Variants in RMDN3 observed in about 807,000 individuals in gnomAD.
RMDN3 encodes the protein regulator of microtubule dynamics protein 3.
Under a neutral mutation model 61.8 loss-of-function variants are expected in RMDN3, and 41 were observed. The ratio of observed to expected loss-of-function variants is 0.66; its 90% CI spans 0.52 to 0.86. RMDN3 has a LOEUF of 0.86. Among genes scored for constraint, RMDN3 ranks in the 40% least tolerant of loss-of-function variants. The probability of loss-of-function intolerance (pLI) is 0.00; values close to 1 mark genes in which losing one functional copy is unlikely to be tolerated. For synonymous variants in RMDN3, 247 were observed against 232.0 expected (o/e 1.06, Z -0.59); for missense variants, 557 against 585.3 (o/e 0.95, Z 0.50).
chr15:40,749,541 CA>C (rs1897724371), intron 4 of RMDN3, among the ~76,000 whole-genome samples: 1 of 152,124 alleles, frequency 6.6e-6, no homozygotes, highest in South Asian at 2.1e-4. Flanking sequence ...AAAACAAAAA[CA>C]GTTGTGAAGG....
intron 7 of RMDN3, chr15:40,738,950 CT>C (rs1187306589): frequency 5.2e-6 from 1 of 190,792 alleles, no homozygotes. Flanking sequence ...CCTGACTATA[CT>C]ACTTATCTTC....
chr15:40,739,330 A>C (rs1897190630), intron 7 of RMDN3: 1 of 152,162 alleles, frequency 6.6e-6, no homozygotes, highest in African/African-American at 2.4e-5. Context: ...CTAGAGGCTC[A>C]TTTCCATGTT....
At chr15:40,744,767 C>G (rs1045054288) in intron 5 of RMDN3, among the ~76,000 whole-genome samples, 3 of 152,114 alleles carry the variant, frequency 2.0e-5, no homozygotes, top group African/African-American at 7.2e-5. Context: ...CTGGGGCAAG[C>G]AGTACACTGG....
At position 40,751,727 on chromosome 15, in the gene RMDN3, T is replaced by C. The variant is rs531133427; in HGVS notation, c.381-158A>G. ...CCTCAGGAGGGCAAGCAGGGCAGCT[T>C]CCTGGGCCCAGCCCGCACAGACAGA... On this transcript the variant is annotated intron_variant, in intron 3 of 12. Transcript: ENST00000338376. The C allele has an allele frequency of 2.0e-5, 23 of 1,127,756 alleles. No individual in the cohort carries two copies. The Admixed American group carries it at 4.4e-4, about 22-fold the overall frequency. The allele number at this position is 1,127,756 out of a possible 1,614,324, so 69.9% of individuals were successfully genotyped here.
intron 4 of RMDN3, among the ~76,000 whole-genome samples, chr15:40,746,263 C>A (rs1030118317): frequency 2.6e-5 from 4 of 152,266 alleles, no homozygotes; most frequent in Admixed American, 2.0e-4. Flanking sequence ...CGCCTGTAAT[C>A]CCAGCACTTT....
intron 4 of RMDN3, among the ~76,000 whole-genome samples, chr15:40,750,223 T>G (rs922078923): frequency 2.3e-4 from 33 of 146,478 alleles, no homozygotes; most frequent in Admixed American, 2.2e-3. Flanking sequence ...TTTTTTTTTT[T>G]TTTTTTTTTT....
chr15:40,752,520 T>C (rs1897874562), intron 2 of RMDN3, among the ~76,000 whole-genome samples: 1 of 151,508 alleles, frequency 6.6e-6, no homozygotes, highest in African/African-American at 2.4e-5. Context: ...CCTCACCATA[T>C]AGTGCCCAAT....
intron 3 of RMDN3, 34 bp downstream of exon 3, chr15:40,751,952 G>T: frequency 6.3e-7 from 1 of 1,597,900 alleles, no homozygotes. Context: ...CTGCAGGGGA[G>T]GGATAAAGCA....
intron 3 of RMDN3, 123 bp downstream of exon 3, chr15:40,751,863 A>T: frequency 9.2e-7 from 1 of 1,090,354 alleles, no homozygotes; most frequent in Non-Finnish European, 1.3e-6. Flanking sequence ...GCTTCAACCC[A>T]GATTAGGCTA....
At chr15:40,736,742 T>TAAATCTGTCTCTTCCCC in intron 12 of RMDN3, 148 bp from the exon 13 acceptor site, 1 of 669,430 alleles carries the variant, frequency 1.5e-6, no homozygotes. Flanking sequence ...TGGAGCCTAT[T>TAAATCTGTCTCTTCCCC]AAATCTGTCT....
Position 40,754,728 on chromosome 15 carries a change from C to A in RMDN3, c.56G>T (p.Gly19Val). Residue 19 changes from glycine to valine, a missense_variant, in exon 2 of 13, where the codon GGT (glycine) becomes GTT (valine). Transcript: ENST00000338376. ...GARAGLGLLLGTAAGLGFLCL... is the reference protein window; with the variant it reads ...GARAGLGLLLVTAAGLGFLCL... The stretch of plus-strand genomic sequence containing the variant: ...CAGGAATCCAAGGCCGGCGGCGGTA[C>A]CCAGCAACAGTCCCAGCCCGGCACG... 6.2e-7 allele frequency: 1 copy of A among 1,613,534 alleles called. No homozygotes were observed. Among genetic ancestry groups the A allele is most frequent in the Non-Finnish European group, 8.5e-7 (1 of 1,179,854 alleles).
chr15:40,745,307 C>T, intron 4 of RMDN3, 48 bp from the exon 5 acceptor site: 19 of 1,578,636 alleles, frequency 1.2e-5, no homozygotes, highest in East Asian at 2.2e-5. Context: ...CAGCTCAGAG[C>T]CCCTAGGGTC....
chr15:40,754,441 C>A (rs1222678619), intron 2 of RMDN3, among the ~76,000 whole-genome samples, 156 bp downstream of exon 2: 5 of 152,212 alleles, frequency 3.3e-5, no homozygotes, highest in Non-Finnish European at 5.9e-5. Context: ...AGCCACCGCG[C>A]CCAGCCCGAC....
rs201148354 is a variant in RMDN3 at position 40,738,470 on chromosome 15, G to C, written c.1047+31C>G. On this transcript the variant is annotated intron_variant, in intron 8 of 12. Coordinates refer to ENST00000338376, the MANE Select transcript of RMDN3 (RefSeq NM_018145.3). ...GGAGTGGGGAATCTGGGATAGGCCA[G>C]CACAAGGAAGGAGGAAAAGCCTGTC... 30 of 1,609,696 alleles carry C rather than the reference G, an allele frequency of 1.9e-5. No homozygotes were observed. In the East Asian group the frequency reaches 6.2e-4, roughly 33 times the overall value.
At chr15:40,740,506 C>T (rs1159618926) in intron 6 of RMDN3, among the ~76,000 whole-genome samples, 9 of 152,074 alleles carry the variant, frequency 5.9e-5, no homozygotes, top group South Asian at 2.1e-4. Context: ...ATTAGCTGGG[C>T]GTGGTGGCAG....
In RMDN3 at chr15:40,752,070, G is replaced by C; in HGVS notation, c.296C>G (p.Thr99Ser). The C allele has an allele frequency of 6.2e-7, 1 of 1,614,214 alleles. No individual in the cohort carries two copies. Among genetic ancestry groups the C allele is most frequent in the Non-Finnish European group, 8.5e-7 (1 of 1,180,030 alleles). The stretch of plus-strand genomic sequence containing the variant: ...CTCCCGCCGCAGCGCCACAAGGCTG[G>C]TCAGCACAAAGTCCAGGCGGTCCAG... ...KVLDRLDFVLTSLVALRREVE... is the reference protein window; with the variant it reads ...KVLDRLDFVLSSLVALRREVE... Residue 99 changes from threonine (T) to serine (S), a missense_variant, in exon 3 of 13, where the codon ACC (threonine) becomes AGC (serine). Transcript: ENST00000338376.
In RMDN3 at chr15:40,736,341, A is replaced by T. The variant is rs1897042289; in HGVS notation, c.*200T>A. 1.9e-6 allele frequency: 1 copy of T among 525,668 alleles called. No individual in the cohort carries two copies. The allele number at this position is 525,668 out of a possible 1,614,324, so 32.6% of individuals were successfully genotyped here. A position where few individuals can be genotyped will look rare whatever the true frequency, so the allele number is the denominator to read the frequency against. On this transcript the variant is annotated 3_prime_UTR_variant, in exon 13 of 13. Coordinates refer to ENST00000338376, the MANE Select transcript of RMDN3 (RefSeq NM_018145.3). ...TCAAGGGAGAGAACAACAGAAACGG[A>T]AGCCATGAGTACTGCCCCAATTCTA...
rs563088759 is a variant in RMDN3 at position 40,745,644 on chromosome 15, G to GC, written c.525-386dup. ...GCCTCCCAAAGTGCTGGGATTACAG[G>GC]CATGAGCCACCATGCCCAGCAGAAA... On this transcript the variant is annotated intron_variant, in intron 4 of 12. Transcript: ENST00000338376. Among the ~76,000 whole-genome samples the GC allele has an allele frequency of 5.8e-4, 88 of 152,172 alleles. 2 individuals are homozygous for GC. In the South Asian group the frequency reaches 0.018, roughly 31 times the overall value.
At chr15:40,741,026 A>G (rs1897254915) in intron 6 of RMDN3, among the ~76,000 whole-genome samples, 1 of 151,712 alleles carries the variant, frequency 6.6e-6, no homozygotes, top group African/African-American at 2.4e-5. Context: ...AGAAGTTGCA[A>G]CGAGCCAAGA....
Sources: allele counts gnomAD v4.1 joint callset (sites outside exome capture counted in the v4.1 genomes callset), GRCh38; gene constraint gnomAD v4.1.1; transcripts MANE v1.5; gene names NCBI Gene and HGNC (gene_info 2026-07-23, HGNC 2026-07-21).